The following DPH6 variants were observed in gnomAD, a reference collection of about 807,000 sequenced individuals.
The protein encoded by DPH6 is diphthine--ammonia ligase.
Under a neutral mutation model 38.2 loss-of-function variants are expected in DPH6, and 33 were observed. The ratio of observed to expected loss-of-function variants is 0.86; its 90% CI spans 0.65 to 1.15. DPH6 has a LOEUF of 1.15. Ranked by LOEUF, DPH6 falls within the 50% of genes most tolerant of loss-of-function variation. The probability of loss-of-function intolerance (pLI) is 0.00; values close to 1 mark genes in which losing one functional copy is unlikely to be tolerated. For missense variants in DPH6, 325 were observed against 320.0 expected (o/e 1.02, Z -0.12); for synonymous variants, 108 against 103.0 (o/e 1.05, Z -0.30).
At chr15:35,524,592 C>T (rs1421703424) in intron 3 of DPH6, among the ~76,000 whole-genome samples, 1 of 152,156 alleles carries the variant, frequency 6.6e-6, no homozygotes, top group African/African-American at 2.4e-5. Flanking sequence ...ACATGTTCTA[C>T]CACTTTTTAG....
chr15:35,322,674 A>G (rs2052250764), intron 3 of DPH6, among the ~76,000 whole-genome samples: 1 of 152,138 alleles, frequency 6.6e-6, no homozygotes, highest in Admixed American at 6.5e-5. Context: ...ATAATCATAT[A>G]TTTTTAAAAC....
intron 6 of DPH6, among the ~76,000 whole-genome samples, chr15:35,406,475 C>T (rs544327199): frequency 1.3e-5 from 2 of 151,926 alleles, no homozygotes; most frequent in East Asian, 3.9e-4. Context: ...GGACTGTGGA[C>T]AATTGACTGA....
intron 3 of DPH6, among the ~76,000 whole-genome samples, chr15:35,478,627 A>G (rs994794878): frequency 7.2e-5 from 11 of 152,008 alleles, no homozygotes; most frequent in Admixed American, 5.3e-4. Flanking sequence ...GAGGAACTCA[A>G]TGCAATTTCA....
intron 3 of DPH6, among the ~76,000 whole-genome samples, chr15:35,321,472 C>G (rs879945107): frequency 2.0e-5 from 3 of 152,162 alleles, no homozygotes; most frequent in Non-Finnish European, 2.9e-5. Context: ...ATTGTGAGAA[C>G]TGTGGTTACC....
chr15:35,151,408 T>C, the DPH6 span, among the ~76,000 whole-genome samples: 3 of 152,222 alleles, frequency 2.0e-5, no homozygotes, highest in African/African-American at 7.2e-5. Context: ...GACCACACTT[T>C]GAGTAGCAGG....
In DPH6 at chr15:35,406,423, AATATG is replaced by A. The variant is rs528975532; in HGVS notation, c.567+4407_567+4411del. 6.8e-3 allele frequency among the ~76,000 whole-genome samples: 1,039 copies of A among 152,122 alleles called. 7 individuals carry two copies. The highest frequency in any genetic ancestry group is 9.5e-3 in the Non-Finnish European group (643 of 67,936). ...ACTCCAAAGTTCACAAGGAAAGTGT[AATATG>A]ATATGATTAGCTTTGCATTTCATAT... On this transcript the variant is annotated intron_variant, in intron 6 of 8. Coordinates refer to ENST00000256538, the MANE Select transcript of DPH6 (RefSeq NM_080650.4).
At chr15:35,207,297 C>G in the DPH6 span, among the ~76,000 whole-genome samples, 1 of 152,000 alleles carries the variant, frequency 6.6e-6, no homozygotes, top group Non-Finnish European at 1.5e-5. Context: ...ATCCTCCCAC[C>G]TGGCCTCCCA....
the DPH6 span, among the ~76,000 whole-genome samples, chr15:35,146,067 TTCTGTGTGTGTGTGTGTGTGTGTGTG>T: frequency 8.6e-6 from 1 of 116,508 alleles, no homozygotes; most frequent in East Asian, 2.4e-4. Context: ...GGCTTATAGT[TTCTGTGTGTGTGTGTGTGTGTGTGTG>T]TGTGTGTGTG....
At chr15:35,224,734 G>A (rs957325309) in intron 3 of DPH6, among the ~76,000 whole-genome samples, 2 of 152,148 alleles carry the variant, frequency 1.3e-5, no homozygotes, top group African/African-American at 4.8e-5. Context: ...CCAGCATGTG[G>A]TATTGTCAGT....
At chr15:35,288,127 A>G (rs1447908410) in intron 3 of DPH6, among the ~76,000 whole-genome samples, 2 of 152,216 alleles carry the variant, frequency 1.3e-5, no homozygotes, top group African/African-American at 4.8e-5. Context: ...CATTTTGTCA[A>G]CTACATACTG....
At chr15:35,245,934 TG>T (rs1285967874) in intron 3 of DPH6, among the ~76,000 whole-genome samples, 1 of 152,176 alleles carries the variant, frequency 6.6e-6, no homozygotes, top group East Asian at 1.9e-4. Flanking sequence ...TACATCCAGA[TG>T]GCCTGAAGTA....
At chr15:35,291,439 T>G (rs911267218) in intron 3 of DPH6, among the ~76,000 whole-genome samples, 1 of 152,182 alleles carries the variant, frequency 6.6e-6, no homozygotes, top group African/African-American at 2.4e-5. Context: ...AAACCAAAAG[T>G]GACAAACATC....
chr15:35,410,866 G>T lies in DPH6; in HGVS notation c.536C>A (p.Thr179Asn), dbSNP rs1316183542. Residue 179 changes from threonine to asparagine, a missense_variant, in exon 6 of 9, where the codon ACC (threonine) becomes AAC (asparagine). Thr to Asn is a moderately conservative substitution (Grantham distance 65). Transcript: ENST00000256538. ...GAGATAAGGCTCCATTTGATCCAGG[G>T]TTTTCCCAAGATGCTTATCAGGATC... ...GLDPDKHLGK[T>N]LDQMEPYLIE... The T allele has an allele frequency of 1.2e-6, 2 of 1,603,328 alleles. No individual in the cohort carries two copies. The highest frequency in any genetic ancestry group is 2.3e-5 in the East Asian group (1 of 44,340).
the DPH6 span, among the ~76,000 whole-genome samples, chr15:35,184,285 G>A: frequency 6.6e-6 from 1 of 152,156 alleles, no homozygotes; most frequent in Non-Finnish European, 1.5e-5. Context: ...CATTAACAGT[G>A]TTCCAAGAAA....
intron 5 of DPH6, among the ~76,000 whole-genome samples, chr15:35,430,137 A>G (rs554249460): frequency 6.6e-6 from 1 of 152,266 alleles, no homozygotes; most frequent in East Asian, 1.9e-4. Flanking sequence ...TTTTCCAGTG[A>G]AAGTAAATTG....
the DPH6 span, among the ~76,000 whole-genome samples, chr15:35,145,297 G>A: frequency 4.1e-4 from 62 of 152,138 alleles, no homozygotes; most frequent in African/African-American, 1.5e-3. Flanking sequence ...TAACATAGAT[G>A]TGCTATCTTT....
intron 6 of DPH6, among the ~76,000 whole-genome samples, chr15:35,388,427 C>T (rs1331624575): frequency 1.2e-4 from 18 of 152,168 alleles, no homozygotes; most frequent in Non-Finnish European, 4.4e-5. Context: ...GTACCAGCTC[C>T]TCCTTGTATC....
At chr15:35,174,717 C>G in the DPH6 span, among the ~76,000 whole-genome samples, 100 of 152,192 alleles carry the variant, frequency 6.6e-4, no homozygotes, top group Non-Finnish European at 1.2e-3. Context: ...TCCTTTTTCT[C>G]TAGGGAGAAG....
intron 3 of DPH6, among the ~76,000 whole-genome samples, chr15:35,321,945 G>A (rs755210154): frequency 1.3e-5 from 2 of 152,146 alleles, no homozygotes; most frequent in African/African-American, 2.4e-5. Flanking sequence ...AGACTCAGGG[G>A]TTAGGGTTTT....
Sources: gnomAD v4.1 joint callset for allele counts (sites outside exome capture counted in the v4.1 genomes callset) on GRCh38, gnomAD v4.1.1 for gene constraint, MANE v1.5 for transcripts, NCBI Gene and HGNC (gene_info 2026-07-23, HGNC 2026-07-21) for gene names.